Variants in WASHC2A observed in about 807,000 individuals in gnomAD.
WASHC2A encodes WASH complex subunit 2A, also known as WASH complex subunit FAM21A.
In WASHC2A, 82 loss-of-function variants were observed where a neutral mutation model predicts 140.3. The observed-to-expected ratio is 0.58, with a 90% CI of 0.49 to 0.70. The LOEUF is 0.70. Among genes scored for constraint, WASHC2A ranks in the 30% least tolerant of loss-of-function variants. WASHC2A has a pLI of 0.00. For synonymous variants in WASHC2A, 340 were observed against 560.8 expected (o/e 0.61, Z 5.56); for missense variants, 985 against 1,521.8 (o/e 0.65, Z 5.87).
rs1843917090 is a variant in WASHC2A at position 50,130,986 on chromosome 10, A to T, written c.3794A>T (p.Asp1265Val). The T allele has an allele frequency of 6.2e-7, 1 of 1,610,090 alleles. No homozygotes were observed. Among genetic ancestry groups the T allele is most frequent in the Admixed American group, 1.7e-5 (1 of 59,782 alleles). Residue 1265 changes from aspartate (D) to valine (V), a missense_variant, in exon 30 of 31, where the codon GAT (aspartate) becomes GTT (valine). Coordinates refer to ENST00000282633, the MANE Select transcript of WASHC2A (RefSeq NM_001005751.3). ...ACATTGGAATCTAATTTATTTGATG[A>T]TAACATTGATATCTTTGCTGACTTA... ...EKTLESNLFD[D>V]NIDIFADLTV... is the part of the protein sequence containing the mutation.
chr10:50,092,673 C>T (rs1476879090), intron 11 of WASHC2A, among the ~76,000 whole-genome samples: 1 of 151,094 alleles, frequency 6.6e-6, no homozygotes, highest in African/African-American at 2.4e-5. Context: ...AAACAGAAGC[C>T]TTGGAAGGCA....
At chr10:50,084,731 T>TTTTCTTTC (rs1198896526) in intron 6 of WASHC2A, among the ~76,000 whole-genome samples, 1 of 117,178 alleles carries the variant, frequency 8.5e-6, no homozygotes. Flanking sequence ...GCCCGGCTGT[T>TTTTCTTTC]TTTCTTTCTT....
chr10:50,116,754 G>A (rs1842716975), intron 21 of WASHC2A, among the ~76,000 whole-genome samples: 1 of 150,780 alleles, frequency 6.6e-6, no homozygotes, highest in African/African-American at 2.5e-5. Flanking sequence ...CAATGGTTTT[G>A]CACTTTACTT....
chr10:50,091,908 A>C (rs1186407940), intron 10 of WASHC2A, among the ~76,000 whole-genome samples: 9 of 152,164 alleles, frequency 5.9e-5, no homozygotes, highest in African/African-American at 9.7e-5. Flanking sequence ...ATAACACAAT[A>C]ATTCTTTCAA....
chr10:50,068,115 C>CG lies in WASHC2A; in HGVS notation c.15dup (p.Thr6AspfsTer52). 1 of 1,606,626 alleles carries CG rather than the reference C, an allele frequency of 6.2e-7. No homozygotes were observed. The highest frequency in any genetic ancestry group is 1.4e-5 in the African/African-American group (1 of 73,728). On this transcript the variant is annotated frameshift_variant, in exon 2 of 31. Coordinates refer to ENST00000282633, the MANE Select transcript of WASHC2A (RefSeq NM_001005751.3). LOFTEE classifies it high-confidence loss of function. ...TTTTTTTCGCTGCAGATGAACCGGA[C>CG]GACCCCCGACCAGGAGCTGGCGCCA...
intron 6 of WASHC2A, among the ~76,000 whole-genome samples, 193 bp from the exon 7 acceptor site, chr10:50,085,304 T>TG (rs1839290150): frequency 9.4e-6 from 1 of 106,778 alleles, no homozygotes; most frequent in Non-Finnish European, 1.8e-5. Flanking sequence ...GAATAATTTT[T>TG]GGGGGGAGAG....
rs558316217 is a variant in WASHC2A, at chr10:50,069,653, G to A, written c.233G>A (p.Arg78His). Residue 78 changes from arginine to histidine, a missense_variant, in exon 3 of 31, where the codon CGC (arginine) becomes CAC (histidine). Transcript: ENST00000282633. Reference protein sequence around the residue: ...LIRETKATDCRLHNVFNDFLM... With the variant: ...LIRETKATDCHLHNVFNDFLM... ...CGGGAAACCAAAGCCACAGATTGTC[G>A]CCTGCATAATGTCTTCAATGACTTC... 4.2e-5 allele frequency: 68 copies of A among 1,613,932 alleles called. 1 individual carries two copies. In the Admixed American group the frequency reaches 1.0e-3, roughly 24 times the overall value.
At chr10:50,106,040 T>C (rs2805193) in intron 18 of WASHC2A, among the ~76,000 whole-genome samples, 4 of 151,600 alleles carry the variant, frequency 2.6e-5, no homozygotes, top group African/African-American at 9.7e-5. Flanking sequence ...GCCCACAGGG[T>C]GACTGGATGG....
intron 3 of WASHC2A, 39 bp from the exon 4 acceptor site, chr10:50,078,636 G>A (rs1378329444): frequency 2.3e-5 from 37 of 1,611,588 alleles, no homozygotes; most frequent in Non-Finnish European, 3.0e-5. Flanking sequence ...TTCCAATGAC[G>A]TGTTGACCTT....
chr10:50,133,106 C>G lies in WASHC2A; in HGVS notation c.*161C>G. 1 of 1,296,444 alleles carries G rather than the reference C, an allele frequency of 7.7e-7. No homozygotes were observed. Among genetic ancestry groups the G allele is most frequent in the East Asian group, 2.4e-5 (1 of 42,262 alleles). The allele number at this position is 1,296,444 out of a possible 1,614,324, so 80.3% of individuals were successfully genotyped here. A position where few individuals can be genotyped will look rare whatever the true frequency, so the allele number is the denominator to read the frequency against. On this transcript the variant is annotated 3_prime_UTR_variant, in exon 31 of 31. Transcript: ENST00000282633. ...TGGTATTTTTCTGCACTGGTTTAAT[C>G]ATGCTTAATACTACAAAACAAAAAT...
intron 25 of WASHC2A, among the ~76,000 whole-genome samples, 186 bp from the exon 26 acceptor site, chr10:50,125,871 G>C (rs570887750): frequency 1.3e-5 from 2 of 152,184 alleles, no homozygotes; most frequent in South Asian, 4.2e-4. Flanking sequence ...TTATCATAGA[G>C]AGGACTCCTG....
chr10:50,086,896 GGA>G (rs1839436463), intron 7 of WASHC2A, among the ~76,000 whole-genome samples: 1 of 127,172 alleles, frequency 7.9e-6, no homozygotes, highest in Admixed American at 8.9e-5. Flanking sequence ...AATAATGCAA[GGA>G]AATAGAGACA....
intron 27 of WASHC2A, 49 bp from the exon 28 acceptor site, chr10:50,127,534 A>G: frequency 6.2e-7 from 1 of 1,609,840 alleles, no homozygotes; most frequent in South Asian, 1.1e-5. Flanking sequence ...TAAAGATAAT[A>G]GACTGCTGTG....
chr10:50,098,740 T>A (rs1383657559), intron 16 of WASHC2A, among the ~76,000 whole-genome samples: 1,629 of 143,098 alleles, frequency 0.011, 34 homozygotes, highest in African/African-American at 0.041. Flanking sequence ...TTTTTTTTTT[T>A]AATATCCAGC....
intron 17 of WASHC2A, among the ~76,000 whole-genome samples, chr10:50,103,428 C>T (rs1275171256): frequency 1.3e-4 from 20 of 152,192 alleles, no homozygotes; most frequent in African/African-American, 4.6e-4. Context: ...GGCGTGGTGG[C>T]AGGCGCCTGT....
At chr10:50,100,803 T>C (rs1265424380) in intron 17 of WASHC2A, among the ~76,000 whole-genome samples, 50 of 152,262 alleles carry the variant, frequency 3.3e-4, no homozygotes, top group Non-Finnish European at 2.6e-4. Context: ...TCTGGGACCC[T>C]GGTTCATAGG....
intron 2 of WASHC2A, among the ~76,000 whole-genome samples, chr10:50,069,139 C>T (rs1837563011): frequency 6.6e-6 from 1 of 152,044 alleles, no homozygotes; most frequent in Non-Finnish European, 1.5e-5. Context: ...GTCAAACCAG[C>T]ATTCCAGCCG....
At position 50,072,642 on chromosome 10, in the gene WASHC2A, A is replaced by G. The variant is rs575601341; in HGVS notation, c.291+2931A>G. Among the ~76,000 whole-genome samples the G allele has an allele frequency of 8.6e-5, 13 of 151,728 alleles. No homozygotes were observed. In the South Asian group the frequency reaches 2.7e-3, roughly 32 times the overall value. ...GCTGGGATGACAGGCACCCGCCACCACACCTGGCTAATTTTTTTTGCATTT... is the reference window on the plus strand; with the variant it reads ...GCTGGGATGACAGGCACCCGCCACCGCACCTGGCTAATTTTTTTTGCATTT... On this transcript the variant is annotated intron_variant, in intron 3 of 30. Coordinates refer to ENST00000282633, the MANE Select transcript of WASHC2A (RefSeq NM_001005751.3).
chr10:50,092,728 C>T (rs1840054900), intron 11 of WASHC2A, among the ~76,000 whole-genome samples: 1 of 151,308 alleles, frequency 6.6e-6, no homozygotes. Context: ...AGTAAAAATT[C>T]CTGTAGAGAT....
Sources: allele counts gnomAD v4.1 joint callset (sites outside exome capture counted in the v4.1 genomes callset), GRCh38; gene constraint gnomAD v4.1.1; transcripts MANE v1.5; gene names NCBI Gene and HGNC (gene_info 2026-07-23, HGNC 2026-07-21).